The following IMMP2L variants were observed in gnomAD, a reference collection of about 807,000 sequenced individuals.
The protein encoded by IMMP2L is mitochondrial inner membrane protease subunit 2.
Under a neutral mutation model 19.3 loss-of-function variants are expected in IMMP2L, and 18 were observed. The observed-to-expected ratio is 0.93, with a 90% confidence interval of 0.64 to 1.38. IMMP2L has a LOEUF of 1.38. Ranked by LOEUF, IMMP2L falls within the 40% of genes most tolerant of loss-of-function variation. The pLI, the probability that IMMP2L is intolerant of heterozygous loss-of-function variation, is 0.00. For missense variants in IMMP2L, 233 were observed against 218.2 expected (o/e 1.07, Z -0.43); for synonymous variants, 76 against 73.0 (o/e 1.04, Z -0.21).
chr7:111,106,833 C>T (rs1204075073), intron 3 of IMMP2L, among the ~76,000 whole-genome samples: 1 of 151,012 alleles, frequency 6.6e-6, no homozygotes, highest in East Asian at 1.9e-4. Context: ...ATTTCTTTTC[C>T]ACTGTTCTCA....
At chr7:111,219,720 G>T (rs1812320245) in intron 3 of IMMP2L, among the ~76,000 whole-genome samples, 1 of 151,948 alleles carries the variant, frequency 6.6e-6, no homozygotes, top group Admixed American at 6.6e-5. Flanking sequence ...AAATTCAACT[G>T]CAATAATTAA....
chr7:110,705,284 T>C (rs1403122951), intron 5 of IMMP2L, among the ~76,000 whole-genome samples: 1 of 151,936 alleles, frequency 6.6e-6, no homozygotes, highest in African/African-American at 2.4e-5. Flanking sequence ...GTTTCTAGTA[T>C]ACTAGAATGT....
intron 5 of IMMP2L, among the ~76,000 whole-genome samples, chr7:110,771,436 T>C (rs1181667346): frequency 6.6e-6 from 1 of 152,146 alleles, no homozygotes; most frequent in Non-Finnish European, 1.5e-5. Context: ...GTGGAGCTAC[T>C]GGAGCAGGGT....
At chr7:110,678,853 G>C (rs1584480303) in intron 5 of IMMP2L, among the ~76,000 whole-genome samples, 1 of 152,248 alleles carries the variant, frequency 6.6e-6, no homozygotes, top group East Asian at 1.9e-4. Context: ...TAATGTGATA[G>C]GTTGATACAA....
At chr7:111,174,812 G>A (rs992935375) in intron 3 of IMMP2L, among the ~76,000 whole-genome samples, 24 of 151,678 alleles carry the variant, frequency 1.6e-4, no homozygotes, top group African/African-American at 4.8e-4. Flanking sequence ...GTAAATGGTC[G>A]AAGAAAAACA....
intron 3 of IMMP2L, among the ~76,000 whole-genome samples, chr7:111,240,870 T>A (rs1035436938): frequency 6.6e-6 from 1 of 151,972 alleles, no homozygotes; most frequent in African/African-American, 2.4e-5. Context: ...GTGATTTTTT[T>A]AACATCACAC....
intron 5 of IMMP2L, among the ~76,000 whole-genome samples, chr7:110,863,868 C>G (rs763142256): frequency 7.2e-5 from 11 of 151,962 alleles, no homozygotes; most frequent in Non-Finnish European, 1.3e-4. Context: ...CTCTACTGAC[C>G]AAAGCAAGTC....
intron 5 of IMMP2L, among the ~76,000 whole-genome samples, chr7:110,857,782 G>C (rs1398459133): frequency 6.6e-6 from 1 of 151,900 alleles, no homozygotes; most frequent in Non-Finnish European, 1.5e-5. Context: ...TGAAGCATCT[G>C]CTTGATTAAG....
chr7:111,396,890 C>A (rs1055990792), intron 3 of IMMP2L, among the ~76,000 whole-genome samples: 8 of 151,972 alleles, frequency 5.3e-5, no homozygotes, highest in Admixed American at 2.0e-4. Context: ...TGAGACCATC[C>A]TGGCTAACAC....
At chr7:111,382,169 G>C (rs1831261564) in intron 3 of IMMP2L, among the ~76,000 whole-genome samples, 3 of 151,886 alleles carry the variant, frequency 2.0e-5, no homozygotes. Context: ...ATTCTGAAAA[G>C]GAGAGAGAGG....
chr7:110,726,912 T>C (rs1169014965), intron 5 of IMMP2L, among the ~76,000 whole-genome samples: 1 of 151,992 alleles, frequency 6.6e-6, no homozygotes, highest in African/African-American at 2.4e-5. Flanking sequence ...TAAGAAGGAG[T>C]CAGAATGGGG....
chr7:110,821,750 C>T (rs1196334398), intron 5 of IMMP2L, among the ~76,000 whole-genome samples: 1 of 151,406 alleles, frequency 6.6e-6, no homozygotes, highest in African/African-American at 2.4e-5. Flanking sequence ...GTCTCTACCA[C>T]AAATTACAAA....
chr7:111,143,181 AAAC>A (rs1803120725), intron 3 of IMMP2L, among the ~76,000 whole-genome samples: 1 of 152,220 alleles, frequency 6.6e-6, no homozygotes, highest in Non-Finnish European at 1.5e-5. Context: ...AATGAGAAGA[AAAC>A]AAAAGCATGG....
At chr7:111,179,071 C>G (rs536031131) in intron 3 of IMMP2L, among the ~76,000 whole-genome samples, 1 of 152,076 alleles carries the variant, frequency 6.6e-6, no homozygotes, top group South Asian at 2.1e-4. Flanking sequence ...AGTCAAAATT[C>G]CTCTTTGATT....
intron 5 of IMMP2L, among the ~76,000 whole-genome samples, chr7:110,699,393 T>C (rs1442272009): frequency 1.3e-5 from 2 of 152,222 alleles, no homozygotes; most frequent in Non-Finnish European, 2.9e-5. Context: ...AGATGGTCCC[T>C]GTGATTTCCA....
intron 3 of IMMP2L, among the ~76,000 whole-genome samples, chr7:110,985,686 G>GA (rs1821789155): frequency 6.6e-6 from 1 of 152,036 alleles, no homozygotes; most frequent in Non-Finnish European, 1.5e-5. Flanking sequence ...TTTACAACAT[G>GA]AAAATACTGA....
chr7:110,878,954 A>T (rs1486293692), intron 5 of IMMP2L, among the ~76,000 whole-genome samples: 1 of 152,168 alleles, frequency 6.6e-6, no homozygotes, highest in Non-Finnish European at 1.5e-5. Context: ...CTTAATTTAT[A>T]GTTAAATGTT....
At chr7:111,176,517 C>T (rs1053533771) in intron 3 of IMMP2L, among the ~76,000 whole-genome samples, 4 of 151,836 alleles carry the variant, frequency 2.6e-5, no homozygotes, top group Admixed American at 2.6e-4. Context: ...ATAAGCCAGG[C>T]ACCAAAAGAC....
chr7:111,024,369 T>C (rs941872412), intron 3 of IMMP2L, among the ~76,000 whole-genome samples: 13 of 152,164 alleles, frequency 8.5e-5, no homozygotes, highest in Admixed American at 3.3e-4. Context: ...TAGAGGAGGC[T>C]CTCTGGGCAG....
Sources: gnomAD v4.1 joint callset for allele counts (sites outside exome capture counted in the v4.1 genomes callset) on GRCh38, gnomAD v4.1.1 for gene constraint, MANE v1.5 for transcripts, NCBI Gene and HGNC (gene_info 2026-07-23, HGNC 2026-07-21) for gene names.